The following GABRG3 variants were observed in gnomAD, a reference collection of about 807,000 sequenced individuals.
GABRG3 encodes gamma-aminobutyric acid receptor subunit gamma-3.
A neutral mutation model predicts 48.8 loss-of-function variants in GABRG3; 25 were observed. The observed-to-expected ratio is 0.51, with a 90% CI of 0.37 to 0.72. The LOEUF (loss-of-function observed/expected upper bound fraction) is 0.72, where lower values mean the gene tolerates loss of function less well. Among genes scored for constraint, GABRG3 ranks in the 30% least tolerant of loss-of-function variants. The pLI is 0.00. For missense variants in GABRG3, 394 were observed against 577.9 expected, an observed-to-expected ratio of 0.68 and a Z score of 3.26; for synonymous variants, 227 against 217.6, an observed-to-expected ratio of 1.04 and a Z score of -0.38.
At chr15:27,480,831 G>A (rs1454129418) in intron 6 of GABRG3, 44 bp downstream of exon 6, 1 of 1,607,270 alleles carries the variant, frequency 6.2e-7, no homozygotes, top group East Asian at 2.2e-5. Context: ...AAGCCAGAGA[G>A]GCCTAAGGCC....
At chr15:27,286,358 G>A (rs574663586) in intron 3 of GABRG3, among the ~76,000 whole-genome samples, 2 of 152,212 alleles carry the variant, frequency 1.3e-5, no homozygotes, top group South Asian at 4.2e-4. Context: ...CTTTTTCCAC[G>A]GCTGACTCCT....
At chr15:27,046,047 G>A (rs1443942110) in intron 3 of GABRG3, among the ~76,000 whole-genome samples, 2 of 152,292 alleles carry the variant, frequency 1.3e-5, no homozygotes, top group Non-Finnish European at 2.9e-5. Flanking sequence ...TGTGAAGGGC[G>A]AGGGAAGGGA....
chr15:27,168,805 C>T (rs1452813937), intron 3 of GABRG3, among the ~76,000 whole-genome samples: 2 of 152,176 alleles, frequency 1.3e-5, no homozygotes, highest in Middle Eastern at 3.4e-3. Context: ...GCCTTCAGAG[C>T]GATGAGAAAT....
At chr15:27,493,881 A>C (rs1352831338) in intron 6 of GABRG3, among the ~76,000 whole-genome samples, 2 of 152,190 alleles carry the variant, frequency 1.3e-5, no homozygotes, top group Non-Finnish European at 2.9e-5. Context: ...GGGGCACCTC[A>C]GTAAGAGGGA....
intron 3 of GABRG3, among the ~76,000 whole-genome samples, chr15:27,303,540 A>C (rs1892285218): frequency 6.6e-6 from 1 of 151,958 alleles, no homozygotes; most frequent in African/African-American, 2.4e-5. Context: ...AATTGAATAA[A>C]ATATTTAAAG....
chr15:27,414,088 C>T (rs1030838826), intron 5 of GABRG3, among the ~76,000 whole-genome samples: 1 of 152,182 alleles, frequency 6.6e-6, no homozygotes, highest in Non-Finnish European at 1.5e-5. Flanking sequence ...TTGATTCAAA[C>T]ACTAGGTAAC....
At chr15:27,348,919 T>A (rs893214744) in intron 5 of GABRG3, among the ~76,000 whole-genome samples, 5 of 152,060 alleles carry the variant, frequency 3.3e-5, no homozygotes, top group Non-Finnish European at 7.4e-5. Context: ...AGTGATGGGA[T>A]CACATATATG....
At chr15:27,076,683 G>T (rs1177160173) in intron 3 of GABRG3, among the ~76,000 whole-genome samples, 1 of 152,068 alleles carries the variant, frequency 6.6e-6, no homozygotes, top group African/African-American at 2.4e-5. Context: ...AATGCTGAGT[G>T]TTCTTAGGAG....
intron 5 of GABRG3, among the ~76,000 whole-genome samples, chr15:27,403,656 T>C (rs1887536845): frequency 6.6e-6 from 1 of 152,270 alleles, no homozygotes; most frequent in South Asian, 2.1e-4. Context: ...GGCTCATGTC[T>C]GTAATCCCAG....
At chr15:27,404,301 T>A (rs1887568975) in intron 5 of GABRG3, among the ~76,000 whole-genome samples, 1 of 152,186 alleles carries the variant, frequency 6.6e-6, no homozygotes, top group Admixed American at 6.5e-5. Flanking sequence ...AGTCCTTCTC[T>A]GGTACCTGGG....
chr15:27,204,366 A>G (rs971314371), intron 3 of GABRG3, among the ~76,000 whole-genome samples: 1 of 152,090 alleles, frequency 6.6e-6, no homozygotes, highest in East Asian at 1.9e-4. Flanking sequence ...GTAGGTATGC[A>G]GCTTTATTTC....
At chr15:27,443,901 A>T (rs527705265) in intron 5 of GABRG3, among the ~76,000 whole-genome samples, 1 of 152,334 alleles carries the variant, frequency 6.6e-6, no homozygotes, top group African/African-American at 2.4e-5. Flanking sequence ...TATTGAGATG[A>T]TCATACTGTT....
intron 7 of GABRG3, among the ~76,000 whole-genome samples, chr15:27,523,518 A>C (rs1473451488): frequency 1.3e-5 from 2 of 151,888 alleles, no homozygotes; most frequent in African/African-American, 4.8e-5. Flanking sequence ...CATCATATCA[A>C]AAAGAAAATG....
chr15:27,192,832 C>T (rs1382582969), intron 3 of GABRG3, among the ~76,000 whole-genome samples: 7 of 151,980 alleles, frequency 4.6e-5, no homozygotes, highest in Admixed American at 4.6e-4. Flanking sequence ...CTGTTTTTTC[C>T]CCATCTTTGT....
intron 3 of GABRG3, among the ~76,000 whole-genome samples, chr15:27,079,148 T>C (rs1896954390): frequency 6.6e-6 from 1 of 152,034 alleles, no homozygotes; most frequent in South Asian, 2.1e-4. Context: ...TTTTGGACTG[T>C]AGGCATGGTC....
At chr15:27,391,765 T>C (rs1414171040) in intron 5 of GABRG3, among the ~76,000 whole-genome samples, 1 of 152,238 alleles carries the variant, frequency 6.6e-6, no homozygotes, top group African/African-American at 2.4e-5. Flanking sequence ...TCTATTTTCA[T>C]GTCCACAGTA....
chr15:27,362,004 A>G (rs1336951896), intron 5 of GABRG3, among the ~76,000 whole-genome samples: 1 of 152,236 alleles, frequency 6.6e-6, no homozygotes, highest in Non-Finnish European at 1.5e-5. Context: ...ATACATGTAT[A>G]TCTTGCCCAC....
rs572372779 is a variant in GABRG3, at chr15:27,540,717, C to T, written c.*7836C>T. On this transcript the variant is annotated 3_prime_UTR_variant, in exon 10 of 10. Coordinates refer to ENST00000615808, the MANE Select transcript of GABRG3 (RefSeq NM_033223.5). ...CAGCTCCGGTACTGAGCAAAAGGTT[C>T]GTTGTTTAGGAGTGAAATTTTCTGT... 3.3e-5 allele frequency: 5 copies of T among 152,226 alleles called. No homozygotes were observed. Among genetic ancestry groups the T allele is most frequent in the East Asian group, 3.9e-4 (2 of 5,170 alleles). The allele number at this position is 152,226 out of a possible 1,614,324, so 9.4% of individuals were successfully genotyped here. A position where few individuals can be genotyped will look rare whatever the true frequency, so the allele number is the denominator to read the frequency against.
At chr15:27,126,787 G>A (rs1039421130) in intron 3 of GABRG3, among the ~76,000 whole-genome samples, 22 of 152,304 alleles carry the variant, frequency 1.4e-4, no homozygotes, top group African/African-American at 4.1e-4. Context: ...TGATGGATTC[G>A]AGACAGGTGC....
Sources: allele counts gnomAD v4.1 joint callset (sites outside exome capture counted in the v4.1 genomes callset), GRCh38; gene constraint gnomAD v4.1.1; transcripts MANE v1.5; gene names NCBI Gene and HGNC (gene_info 2026-07-23, HGNC 2026-07-21).